The following CHL1 variants were observed in gnomAD, a reference collection of about 807,000 sequenced individuals.
CHL1 encodes the protein cell adhesion molecule L1 like, also known as neural cell adhesion molecule L1-like protein.
Under a neutral mutation model 141.9 loss-of-function variants are expected in CHL1, and 96 were observed. The ratio of observed to expected loss-of-function variants is 0.68; its 90% CI spans 0.57 to 0.80. The LOEUF (loss-of-function observed/expected upper bound fraction) is 0.80, where lower values mean the gene tolerates loss of function less well. Among genes scored for constraint, CHL1 ranks in the 30% least tolerant of loss-of-function variants. CHL1 has a pLI of 0.00. For synonymous variants in CHL1, 613 were observed against 502.2 expected (o/e 1.22, Z -2.95); for missense variants, 1,820 against 1,457.2 (o/e 1.25, Z -4.05).
chr3:291,080 A>G (rs1366470269), intron 2 of CHL1, among the ~76,000 whole-genome samples: 3 of 152,162 alleles, frequency 2.0e-5, no homozygotes, highest in African/African-American at 7.2e-5. Flanking sequence ...CAAAACATTA[A>G]TATAGGACTT....
At chr3:198,869 G>A (rs1000385969) in intron 1 of CHL1, among the ~76,000 whole-genome samples, 6 of 152,248 alleles carry the variant, frequency 3.9e-5, no homozygotes, top group Non-Finnish European at 7.3e-5. Flanking sequence ...CCTTGCAGCA[G>A]ATTGGAAGAG....
At chr3:366,368 G>A (rs962199345) in intron 15 of CHL1, among the ~76,000 whole-genome samples, 1 of 151,752 alleles carries the variant, frequency 6.6e-6, no homozygotes, top group Admixed American at 6.6e-5. Flanking sequence ...CTACTCGAGA[G>A]GCTGGTGCAC....
intron 3 of CHL1, among the ~76,000 whole-genome samples, chr3:323,305 C>T (rs925262938): frequency 7.2e-5 from 11 of 152,016 alleles, no homozygotes; most frequent in Admixed American, 2.0e-4. Context: ...AGCTTGAGAG[C>T]TTCCCGATAC....
chr3:259,002 C>T (rs1384462737), intron 2 of CHL1, among the ~76,000 whole-genome samples: 4 of 149,390 alleles, frequency 2.7e-5, no homozygotes, highest in East Asian at 2.0e-4. Context: ...GGCTTGATCA[C>T]GGCTCATTGC....
chr3:254,203 A>G (rs1197465747), intron 2 of CHL1, among the ~76,000 whole-genome samples: 1 of 152,158 alleles, frequency 6.6e-6, no homozygotes, highest in East Asian at 1.9e-4. Flanking sequence ...GGAAGCCCAC[A>G]TCTAATGCCT....
At chr3:343,074 C>G (rs1267012448) in intron 8 of CHL1, 43 bp downstream of exon 8, 5 of 1,472,026 alleles carry the variant, frequency 3.4e-6, no homozygotes, top group Non-Finnish European at 4.6e-6. Flanking sequence ...GTGTATAGCT[C>G]ATTGTCATCT....
chr3:209,790 A>C (rs1699747924), intron 1 of CHL1, among the ~76,000 whole-genome samples: 1 of 152,164 alleles, frequency 6.6e-6, no homozygotes, highest in Admixed American at 6.5e-5. Flanking sequence ...CAGAACCCAA[A>C]TCTTTTAAAC....
intron 15 of CHL1, among the ~76,000 whole-genome samples, chr3:376,609 A>T (rs530431606): frequency 6.6e-6 from 1 of 152,340 alleles, no homozygotes; most frequent in East Asian, 1.9e-4. Flanking sequence ...AAATCTTGGC[A>T]AGATTTCAGC....
chr3:383,323 A>G (rs1232557699), intron 18 of CHL1, among the ~76,000 whole-genome samples: 4 of 152,180 alleles, frequency 2.6e-5, no homozygotes, highest in East Asian at 1.9e-4. Flanking sequence ...GAATCCATCT[A>G]AAAATATTCA....
At chr3:283,792 T>C (rs185596778) in intron 2 of CHL1, among the ~76,000 whole-genome samples, 1 of 152,238 alleles carries the variant, frequency 6.6e-6, no homozygotes, top group East Asian at 1.9e-4. Context: ...ACCAAAAATG[T>C]CTTCAGATAA....
intron 2 of CHL1, among the ~76,000 whole-genome samples, chr3:294,649 T>TC (rs1218410910): frequency 1.3e-4 from 20 of 151,990 alleles, no homozygotes; most frequent in Non-Finnish European, 2.2e-4. Flanking sequence ...TCCTTTTTTT[T>TC]CCAAATATAG....
chr3:255,227 T>A (rs943904434), intron 2 of CHL1, among the ~76,000 whole-genome samples: 1 of 152,240 alleles, frequency 6.6e-6, no homozygotes, highest in Non-Finnish European at 1.5e-5. Context: ...GTTAGAGTTG[T>A]TATGCAGTTA....
intron 15 of CHL1, among the ~76,000 whole-genome samples, chr3:375,650 G>T (rs1038465368): frequency 6.6e-6 from 1 of 152,042 alleles, no homozygotes; most frequent in African/African-American, 2.4e-5. Context: ...AAATCAACTT[G>T]ATTAATATTA....
intron 6 of CHL1, among the ~76,000 whole-genome samples, chr3:341,544 G>C (rs544923430): frequency 6.6e-6 from 1 of 152,110 alleles, no homozygotes; most frequent in Non-Finnish European, 1.5e-5. Flanking sequence ...TTAAATAAAC[G>C]TGATTCTCAG....
At chr3:253,920 C>A (rs906140112) in intron 2 of CHL1, among the ~76,000 whole-genome samples, 1 of 152,192 alleles carries the variant, frequency 6.6e-6, no homozygotes, top group African/African-American at 2.4e-5. Context: ...TTATTGAGAA[C>A]TTACACTGAG....
intron 2 of CHL1, among the ~76,000 whole-genome samples, chr3:311,135 C>CT (rs1300167724): frequency 6.6e-6 from 1 of 152,124 alleles, no homozygotes; most frequent in Non-Finnish European, 1.5e-5. Context: ...CAAAGAATAT[C>CT]TTGGTGACTT....
At chr3:218,875 A>G (rs530946305) in intron 1 of CHL1, among the ~76,000 whole-genome samples, 229 of 152,294 alleles carry the variant, frequency 1.5e-3, no homozygotes, top group Non-Finnish European at 2.1e-3. Flanking sequence ...GGCCGGGCGC[A>G]CTGGCTCACA....
At chr3:369,569 C>T (rs915947933) in intron 15 of CHL1, among the ~76,000 whole-genome samples, 8 of 152,202 alleles carry the variant, frequency 5.3e-5, no homozygotes, top group African/African-American at 1.9e-4. Flanking sequence ...TTCCTCTCTT[C>T]CTATATGAAT....
intron 15 of CHL1, among the ~76,000 whole-genome samples, chr3:375,335 A>T (rs1303189774): frequency 1.3e-5 from 2 of 152,010 alleles, no homozygotes; most frequent in Non-Finnish European, 2.9e-5. Flanking sequence ...TAGCATGAAA[A>T]GTGGGATATA....
Sources: gnomAD v4.1 joint callset for allele counts (sites outside exome capture counted in the v4.1 genomes callset) on GRCh38, gnomAD v4.1.1 for gene constraint, MANE v1.5 for transcripts, NCBI Gene and HGNC (gene_info 2026-07-23, HGNC 2026-07-21) for gene names.